TET2: variants seen among roughly 807,000 people sequenced by gnomAD.
TET2 encodes methylcytosine dioxygenase TET2.
TET2 carries 299 observed loss-of-function variants against 142.9 expected under a neutral mutation model. The ratio of observed to expected loss-of-function variants is 2.09; its 90% CI spans 1.90 to 2.30. TET2 has a LOEUF of 2.30. Ranked by LOEUF, TET2 falls within the 30% of genes most tolerant of loss-of-function variation. TET2 has a pLI of 0.00. For missense variants in TET2, 2,418 were observed against 2,378.0 expected (o/e 1.02, Z -0.35); for synonymous variants, 819 against 849.0 (o/e 0.96, Z 0.61).
At chr4:105,163,851 GAGA>G (rs1724006880) in intron 1 of TET2, among the ~76,000 whole-genome samples, 1 of 135,674 alleles carries the variant, frequency 7.4e-6, no homozygotes, top group Non-Finnish European at 1.6e-5. Flanking sequence ...GAGAGAGAGA[GAGA>G]GTGTGTGTGT....
intron 2 of TET2, among the ~76,000 whole-genome samples, chr4:105,205,026 TA>T (rs1726735630): frequency 6.6e-6 from 1 of 152,198 alleles, no homozygotes; most frequent in Admixed American, 6.5e-5. Context: ...TAATTGTTTT[TA>T]TTTTGTTTTG....
intron 2 of TET2, among the ~76,000 whole-genome samples, chr4:105,191,795 C>T (rs1044895552): frequency 6.6e-6 from 1 of 152,126 alleles, no homozygotes; most frequent in African/African-American, 2.4e-5. Context: ...TAGATTACCT[C>T]TCTACCTTGG....
In TET2 at chr4:105,237,136, T is replaced by C; in HGVS notation, c.3194T>C (p.Leu1065Ser). The change falls in exon 3 of 11, where the codon TTG becomes TCG. Residue 1065 changes from leucine (L) to serine (S), a missense_variant. Physicochemically the swap from Leu to Ser is moderately radical, Grantham distance 145. Transcript: ENST00000380013. Reference protein sequence around the residue: ...KVEMSGPVTVLTRQTTAAELD... With the variant: ...KVEMSGPVTVSTRQTTAAELD... ...GAAATGTCAGGGCCAGTCACAGTTT[T>C]GACTAGACAAACCACTGCTGCAGAA... 6.2e-7 allele frequency: 1 copy of C among 1,614,158 alleles called. No homozygotes were observed. Among genetic ancestry groups the C allele is most frequent in the Admixed American group, 1.7e-5 (1 of 60,020 alleles).
At chr4:105,163,994 T>C (rs1200494382) in intron 1 of TET2, among the ~76,000 whole-genome samples, 1 of 152,160 alleles carries the variant, frequency 6.6e-6, no homozygotes, top group African/African-American at 2.4e-5. Flanking sequence ...TGATTATTAC[T>C]ATCAGGCTAA....
chr4:105,180,355 T>G (rs1388562354), intron 1 of TET2, among the ~76,000 whole-genome samples: 1 of 152,198 alleles, frequency 6.6e-6, no homozygotes, highest in Non-Finnish European at 1.5e-5. Context: ...TATTCCAAAA[T>G]CTCAGTCATT....
At chr4:105,171,652 A>G (rs1452765229) in intron 1 of TET2, 1 of 152,208 alleles carries the variant, frequency 6.6e-6, no homozygotes, top group Non-Finnish European at 1.5e-5. Flanking sequence ...TTGAGCTACA[A>G]CTGCCTCTTG....
At chr4:105,274,045 G>A (rs1731084375) in intron 10 of TET2, among the ~76,000 whole-genome samples, 1 of 152,198 alleles carries the variant, frequency 6.6e-6, no homozygotes, top group Non-Finnish European at 1.5e-5. Context: ...AAGCTCAGAG[G>A]AACTAAGTTA....
chr4:105,226,064 C>T (rs112299482), intron 2 of TET2, among the ~76,000 whole-genome samples: 2,127 of 119,830 alleles, frequency 0.018, 31 homozygotes, highest in Middle Eastern at 0.067. Context: ...CCTACAGATA[C>T]GTAGCCAAAA....
chr4:105,229,712 C>T (rs1728393962), intron 2 of TET2, among the ~76,000 whole-genome samples: 1 of 150,790 alleles, frequency 6.6e-6, no homozygotes, highest in African/African-American at 2.4e-5. Flanking sequence ...TCTCCAGCTG[C>T]CCCATTCCTT....
intron 2 of TET2, among the ~76,000 whole-genome samples, chr4:105,196,224 AATCTGACC>A (rs1194457151): frequency 6.6e-6 from 1 of 151,660 alleles, no homozygotes; most frequent in African/African-American, 2.4e-5. Flanking sequence ...CTTAAGTGCA[AATCTGACC>A]ATCTATACCC....
At chr4:105,166,815 A>T (rs1724177268) in intron 1 of TET2, among the ~76,000 whole-genome samples, 1 of 152,022 alleles carries the variant, frequency 6.6e-6, no homozygotes, top group Non-Finnish European at 1.5e-5. Context: ...TAGATATCTG[A>T]TGCCAGTCTG....
At chr4:105,241,934 C>T in intron 4 of TET2, 1 of 1,170,294 alleles carries the variant, frequency 8.5e-7, no homozygotes, top group Non-Finnish European at 1.0e-6. Context: ...CTATTTACAG[C>T]TGCCTTTTTT....
At chr4:105,211,278 A>G (rs1335800919) in intron 2 of TET2, among the ~76,000 whole-genome samples, 1 of 151,870 alleles carries the variant, frequency 6.6e-6, no homozygotes, top group Non-Finnish European at 1.5e-5. Context: ...TTATCTCATC[A>G]CTCAGATTTA....
intron 1 of TET2, among the ~76,000 whole-genome samples, chr4:105,182,785 T>G (rs1725198230): frequency 6.6e-6 from 1 of 152,152 alleles, no homozygotes; most frequent in South Asian, 2.1e-4. Flanking sequence ...AATTTTATTT[T>G]GTAGTTTGCC....
rs370908076 is a variant in TET2 at position 105,226,790 on chromosome 4, G to T, written c.-46-7107G>T. 2.1e-4 allele frequency among the ~76,000 whole-genome samples: 32 copies of T among 152,214 alleles called. No individual in the cohort carries two copies. In the East Asian group the frequency reaches 5.6e-3, roughly 27 times the overall value. On this transcript the variant is annotated intron_variant, in intron 2 of 10. Transcript: ENST00000380013. Reference sequence around the variant, plus strand: ...CCTCCTATACAGCCTGCAGAACCATGAGCCAATTAAACCTATTTTCTTATA... The same window carrying T: ...CCTCCTATACAGCCTGCAGAACCATTAGCCAATTAAACCTATTTTCTTATA...
intron 2 of TET2, among the ~76,000 whole-genome samples, chr4:105,196,241 C>A (rs1033051531): frequency 6.6e-6 from 1 of 151,738 alleles, no homozygotes; most frequent in Non-Finnish European, 1.5e-5. Flanking sequence ...CCATCTATAC[C>A]CCTTCTTAAT....
At chr4:105,251,790 G>A (rs1054732905) in intron 6 of TET2, among the ~76,000 whole-genome samples, 1 of 152,148 alleles carries the variant, frequency 6.6e-6, no homozygotes, top group African/African-American at 2.4e-5. Flanking sequence ...GTTTACAAAG[G>A]ATTGGTTTAA....
rs1221140798 is a variant in TET2, at chr4:105,243,568, A to G, written c.3595-2A>G. ...TTTGGGATGGAATGGTGATCCACGC[A>G]GGTGGTTCGCAGAAGCAGCAGTGAA... On this transcript the variant is annotated splice_acceptor_variant, in intron 5 of 10. Transcript: ENST00000380013. LOFTEE classifies it high-confidence loss of function. The G allele has an allele frequency of 1.3e-6, 2 of 1,551,288 alleles. No homozygotes were observed.
At chr4:105,198,808 A>C (rs1052791570) in intron 2 of TET2, among the ~76,000 whole-genome samples, 1 of 152,208 alleles carries the variant, frequency 6.6e-6, no homozygotes, top group Non-Finnish European at 1.5e-5. Flanking sequence ...CTGGTACATC[A>C]GTGTGGGAGT....
Sources: gnomAD v4.1 joint callset for allele counts (sites outside exome capture counted in the v4.1 genomes callset) on GRCh38, gnomAD v4.1.1 for gene constraint, MANE v1.5 for transcripts, NCBI Gene and HGNC (gene_info 2026-07-23, HGNC 2026-07-21) for gene names.